MCTP2: variants seen among roughly 807,000 people sequenced by gnomAD.
MCTP2 encodes the protein multiple C2 and transmembrane domain containing 2, also known as multiple C2 and transmembrane domain-containing protein 2.
Under a neutral mutation model 111.6 loss-of-function variants are expected in MCTP2, and 132 were observed. The ratio of observed to expected loss-of-function variants is 1.18; its 90% CI spans 1.03 to 1.37. The LOEUF (loss-of-function observed/expected upper bound fraction) is 1.37. MCTP2 is among the 40% of genes most tolerant of loss of function. The pLI is 0.00. For synonymous variants in MCTP2, 395 were observed against 387.7 expected, an observed-to-expected ratio of 1.02 and a Z score of -0.22; for missense variants, 1,183 against 1,067.9, an observed-to-expected ratio of 1.11 and a Z score of -1.50.
In MCTP2 at chr15:94,365,670, G is replaced by A. The variant is rs954245017; in HGVS notation, c.1302-1935G>A. Among the ~76,000 whole-genome samples, 8 of 152,230 alleles carry A rather than the reference G, an allele frequency of 5.3e-5. No individual in the cohort carries two copies. The South Asian group carries it at 1.5e-3, about 28-fold the overall frequency. ...TTTGAATTATCCAAGAAAAATTTTA[G>A]TAGCACTTACTTATATATTATTTTT... On this transcript the variant is annotated intron_variant, in intron 10 of 22. Coordinates refer to ENST00000357742, the MANE Select transcript of MCTP2 (RefSeq NM_001385001.1).
chr15:94,323,896 T>G (rs758218061), intron 4 of MCTP2, among the ~76,000 whole-genome samples: 3 of 152,202 alleles, frequency 2.0e-5, no homozygotes, highest in Non-Finnish European at 2.9e-5. Flanking sequence ...CATCCTAACG[T>G]TTTCCTTTTA....
intron 1 of MCTP2, among the ~76,000 whole-genome samples, chr15:94,280,664 G>C (rs903872387): frequency 6.6e-6 from 1 of 151,864 alleles, no homozygotes; most frequent in Non-Finnish European, 1.5e-5. Flanking sequence ...CATTTTTCCA[G>C]TTCCTCTAAG....
intron 17 of MCTP2, among the ~76,000 whole-genome samples, chr15:94,419,463 G>T (rs2082522989): frequency 6.6e-6 from 1 of 152,042 alleles, no homozygotes; most frequent in African/African-American, 2.4e-5. Flanking sequence ...GGAAGGAAAG[G>T]GAGAGTCAGG....
chr15:94,294,669 T>C (rs961066026), intron 1 of MCTP2, among the ~76,000 whole-genome samples: 2 of 152,170 alleles, frequency 1.3e-5, no homozygotes, highest in Admixed American at 1.3e-4. Context: ...TTGGTTTGCT[T>C]AGATACACAG....
chr15:94,402,536 T>G (rs767493164), intron 17 of MCTP2: 12 of 1,551,664 alleles, frequency 7.7e-6, no homozygotes, highest in East Asian at 4.9e-5. Context: ...TTTTCTCTGG[T>G]GACATTGGCC....
At chr15:94,413,831 T>G (rs1174836525) in intron 17 of MCTP2, among the ~76,000 whole-genome samples, 1 of 152,206 alleles carries the variant, frequency 6.6e-6, no homozygotes, top group Non-Finnish European at 1.5e-5. Flanking sequence ...GCATGAGGCA[T>G]TGTCAAAGCA....
intron 17 of MCTP2, among the ~76,000 whole-genome samples, chr15:94,419,750 C>T (rs1428655953): frequency 1.4e-5 from 2 of 140,106 alleles, no homozygotes; most frequent in African/African-American, 5.4e-5. Flanking sequence ...TTTGCACATA[C>T]TGCTTATTTT....
chr15:94,330,866 C>G (rs2152389848), intron 4 of MCTP2, among the ~76,000 whole-genome samples: 1 of 152,200 alleles, frequency 6.6e-6, no homozygotes, highest in East Asian at 1.9e-4. Flanking sequence ...CCCCAAGTAG[C>G]TGGGACAAAA....
intron 7 of MCTP2, 73 bp from the exon 8 acceptor site, chr15:94,345,056 T>G (rs917495739): frequency 7.6e-5 from 115 of 1,521,584 alleles, no homozygotes; most frequent in Middle Eastern, 1.7e-4. Context: ...ATAATATAAT[T>G]ACATTGATAA....
chr15:94,367,271 A>C (rs952623391), intron 10 of MCTP2, among the ~76,000 whole-genome samples: 2 of 152,114 alleles, frequency 1.3e-5, no homozygotes, highest in Non-Finnish European at 2.9e-5. Flanking sequence ...ATGCTTACTC[A>C]TAAGGCTTAA....
At chr15:94,350,588 CAG>C (rs776174088) in intron 8 of MCTP2, among the ~76,000 whole-genome samples, 42 of 150,130 alleles carry the variant, frequency 2.8e-4, no homozygotes, top group Non-Finnish European at 5.8e-4. Context: ...ATAAGACATC[CAG>C]GCTGATGCAC....
At chr15:94,368,788 T>C (rs141114318) in intron 11 of MCTP2, among the ~76,000 whole-genome samples, 353 of 152,314 alleles carry the variant, frequency 2.3e-3, no homozygotes, top group Non-Finnish European at 4.0e-3. Flanking sequence ...ATGGATAAGT[T>C]GACAAATTTA....
intron 21 of MCTP2, among the ~76,000 whole-genome samples, chr15:94,474,711 C>T (rs940743530): frequency 1.3e-5 from 2 of 152,070 alleles, no homozygotes; most frequent in South Asian, 2.1e-4. Flanking sequence ...AAAAAAGGAA[C>T]CAAGGGGTCT....
At chr15:94,476,158 G>A (rs3784637) in intron 21 of MCTP2, among the ~76,000 whole-genome samples, 109,777 of 152,054 alleles carry the variant, frequency 0.72, 40,183 homozygotes, top group African/African-American at 0.83. Context: ...AGATGACTGC[G>A]GTTTTCTTTG....
intron 1 of MCTP2, among the ~76,000 whole-genome samples, chr15:94,245,616 A>C (rs1213084733): frequency 6.9e-6 from 1 of 145,702 alleles, no homozygotes. Context: ...ATACATATGT[A>C]CATGTATATA....
At chr15:94,359,858 C>G (rs912845142) in intron 10 of MCTP2, among the ~76,000 whole-genome samples, 2 of 152,118 alleles carry the variant, frequency 1.3e-5, no homozygotes, top group Admixed American at 6.5e-5. Context: ...ATTGCCTCAT[C>G]CCACCTCAGA....
intron 1 of MCTP2, among the ~76,000 whole-genome samples, chr15:94,294,288 C>A (rs1430781495): frequency 2.0e-5 from 3 of 152,066 alleles, no homozygotes; most frequent in African/African-American, 7.2e-5. Flanking sequence ...AAACACAAAT[C>A]TGTAAATGTG....
chr15:94,409,724 C>A (rs974923134), intron 17 of MCTP2, among the ~76,000 whole-genome samples: 1 of 151,978 alleles, frequency 6.6e-6, no homozygotes, highest in Non-Finnish European at 1.5e-5. Context: ...CCTCTCTCTT[C>A]CCTCTTCTCC....
intron 4 of MCTP2, among the ~76,000 whole-genome samples, chr15:94,337,495 C>T (rs1340837808): frequency 7.5e-6 from 1 of 133,426 alleles, no homozygotes; most frequent in Non-Finnish European, 1.5e-5. Flanking sequence ...TTTTCCCCCA[C>T]TTTTTTATAT....
Sources: allele counts gnomAD v4.1 joint callset (sites outside exome capture counted in the v4.1 genomes callset), GRCh38; gene constraint gnomAD v4.1.1; transcripts MANE v1.5; gene names NCBI Gene and HGNC (gene_info 2026-07-23, HGNC 2026-07-21).